ATP2B2: variants seen among roughly 807,000 people sequenced by gnomAD.
ATP2B2 encodes ATPase plasma membrane Ca2+ transporting 2, also known as plasma membrane calcium-transporting ATPase 2.
In ATP2B2, 15 loss-of-function variants were observed where a neutral mutation model predicts 120.0. That is an observed-to-expected ratio of 0.12 (90% CI 0.08 to 0.19). The LOEUF (loss-of-function observed/expected upper bound fraction) is 0.19. ATP2B2 is among the 10% of genes least tolerant of loss of function. The pLI is 1.00. For missense variants in ATP2B2, 1,045 were observed against 1,719.8 expected (o/e 0.61, Z 6.94); for synonymous variants, 694 against 700.3 (o/e 0.99, Z 0.14).
At position 10,329,199 on chromosome 3, in the gene ATP2B2, C is replaced by T. The variant is rs1309724218; in HGVS notation, c.3421-74G>A. The stretch of plus-strand genomic sequence containing the variant: ...AGGCTCGGGGGGCTCACAGGAGGGG[C>T]GGGTGGGAGAAGGGTTAGGGCAAAG... On this transcript the variant is annotated intron_variant, in intron 22 of 22. Transcript: ENST00000360273. This position sits in a 1 kb window ranked among gnomAD's most constrained non-coding sequence, Gnocchi z 5.9. The T allele has an allele frequency of 5.8e-5, 25 of 431,028 alleles. No homozygotes were observed. The highest frequency in any genetic ancestry group is 1.6e-4 in the Admixed American group (6 of 36,536). The allele number at this position is 431,028 out of a possible 1,614,324, so 26.7% of individuals were successfully genotyped here.
chr3:10,592,868 G>A (rs762285709), intron 2 of ATP2B2, among the ~76,000 whole-genome samples: 5 of 152,088 alleles, frequency 3.3e-5, no homozygotes, highest in African/African-American at 7.2e-5. Flanking sequence ...CTGCAGCCTC[G>A]ACCTCCTGGG....
At chr3:10,480,615 C>A (rs2065373918) in intron 1 of ATP2B2, among the ~76,000 whole-genome samples, 1 of 152,228 alleles carries the variant, frequency 6.6e-6, no homozygotes, top group Non-Finnish European at 1.5e-5. Context: ...CCCTGTCAAG[C>A]TTTTGTCAGC....
At chr3:10,640,012 C>A (rs1304770160) in intron 1 of ATP2B2, among the ~76,000 whole-genome samples, 1 of 152,086 alleles carries the variant, frequency 6.6e-6, no homozygotes, top group Non-Finnish European at 1.5e-5. Context: ...GGTGTTTTTG[C>A]ACTGAAAGTC....
chr3:10,344,960 G>A (rs573220920), intron 18 of ATP2B2, among the ~76,000 whole-genome samples: 1 of 152,284 alleles, frequency 6.6e-6, no homozygotes, highest in African/African-American at 2.4e-5. Flanking sequence ...CCAGAGCCAG[G>A]GCCCCAGGGC....
At chr3:10,425,258 C>T (rs998862717) in intron 2 of ATP2B2, among the ~76,000 whole-genome samples, 3 of 151,772 alleles carry the variant, frequency 2.0e-5, no homozygotes, top group South Asian at 2.1e-4. Flanking sequence ...TGCAGTGAGT[C>T]GAGATCGTGC....
chr3:10,635,090 T>C lies in ATP2B2; in HGVS notation c.-459-15129A>G, dbSNP rs1389947348. ...AATGTCCCTGGGAATTGGAATGGTA[T>C]CACTGGCCTCTCTGTGGGAGACAAT... On this transcript the variant is annotated intron_variant, in intron 1 of 21. Coordinates refer to the ATP2B2 transcript ENST00000646379. The surrounding 1 kb of genome is among the most constrained non-coding windows in gnomAD (Gnocchi z 4.3). Among the ~76,000 whole-genome samples the C allele has an allele frequency of 1.3e-5, 2 of 151,780 alleles. No homozygotes were observed. Among genetic ancestry groups the C allele is most frequent in the Non-Finnish European group, 2.9e-5 (2 of 67,928 alleles).
chr3:10,560,222 C>T (rs760338715), intron 2 of ATP2B2, among the ~76,000 whole-genome samples: 2 of 152,172 alleles, frequency 1.3e-5, no homozygotes, highest in Non-Finnish European at 2.9e-5. Flanking sequence ...AATGGCGTGT[C>T]GCAGGCAGGC....
chr3:10,348,143 T>C (rs1269785061), intron 16 of ATP2B2, among the ~76,000 whole-genome samples: 2 of 152,088 alleles, frequency 1.3e-5, no homozygotes, highest in African/African-American at 4.8e-5. Flanking sequence ...CCCTCCTCGC[T>C]CGATGTCCAA....
intron 1 of ATP2B2, among the ~76,000 whole-genome samples, chr3:10,629,141 A>G (rs1366052889): frequency 6.6e-6 from 1 of 152,126 alleles, no homozygotes; most frequent in African/African-American, 2.4e-5. Flanking sequence ...CAGCAAAACC[A>G]CCAACAGAAA....
chr3:10,443,758 G>A (rs978033152), intron 2 of ATP2B2, among the ~76,000 whole-genome samples: 2 of 152,170 alleles, frequency 1.3e-5, no homozygotes, highest in African/African-American at 4.8e-5. Flanking sequence ...GTTCGAGATG[G>A]GTTTCTGTCA....
chr3:10,477,293 C>T (rs747647977), intron 1 of ATP2B2, among the ~76,000 whole-genome samples: 5 of 152,212 alleles, frequency 3.3e-5, no homozygotes, highest in Non-Finnish European at 5.9e-5. Context: ...TGCTCTTCTG[C>T]GTTCGCTCTG....
At chr3:10,575,939 A>G (rs1256584106) in intron 2 of ATP2B2, among the ~76,000 whole-genome samples, 3 of 152,222 alleles carry the variant, frequency 2.0e-5, no homozygotes, top group Non-Finnish European at 4.4e-5. Flanking sequence ...GCAAGATAGG[A>G]AACCTTAAAA....
At chr3:10,655,250 C>T (rs890291346) in intron 1 of ATP2B2, among the ~76,000 whole-genome samples, 1 of 141,578 alleles carries the variant, frequency 7.1e-6, no homozygotes, top group Admixed American at 7.0e-5. Flanking sequence ...TTCTCAACCC[C>T]CTCCACTCTC....
At chr3:10,584,161 G>T (rs531561170) in intron 2 of ATP2B2, among the ~76,000 whole-genome samples, 1 of 152,208 alleles carries the variant, frequency 6.6e-6, no homozygotes, top group East Asian at 1.9e-4. Flanking sequence ...GGTGGAGATG[G>T]GGTGGGAGGG....
rs756747721 is a variant in ATP2B2, at chr3:10,378,352, G to A, written c.1101C>T (p.Gly367=). The A allele has an allele frequency of 6.8e-6, 11 of 1,606,766 alleles. No individual in the cohort carries two copies. Among genetic ancestry groups the A allele is most frequent in the Admixed American group, 1.7e-5 (1 of 60,032 alleles). ...MEMQPLKSAE[G]GDADDRKKAS... is the part of the protein sequence containing the mutation. ...CCTTCTTCCTGTCGTCAGCGTCGCC[G>A]CCCTCGGCACTCTTGAGGGGCTGCA... Residue 367 remains glycine, a synonymous_variant, in exon 10 of 23, where the codon GGC becomes GGT. Coordinates refer to ENST00000360273, the MANE Select transcript of ATP2B2 (RefSeq NM_001001331.4).
intron 12 of ATP2B2, among the ~76,000 whole-genome samples, chr3:10,365,224 G>A (rs2061009349): frequency 6.6e-6 from 1 of 152,242 alleles, no homozygotes; most frequent in Non-Finnish European, 1.5e-5. Flanking sequence ...AGAGTCACCA[G>A]GGCAGGGCAG....
chr3:10,636,953 AAAT>A (rs2070038285), intron 1 of ATP2B2, among the ~76,000 whole-genome samples: 1 of 152,198 alleles, frequency 6.6e-6, no homozygotes, highest in African/African-American at 2.4e-5. Context: ...GAACCACTGG[AAAT>A]AATTAGTGGG....
intron 1 of ATP2B2, among the ~76,000 whole-genome samples, chr3:10,705,294 T>G (rs1217428799): frequency 6.6e-6 from 1 of 152,220 alleles, no homozygotes; most frequent in Non-Finnish European, 1.5e-5. Flanking sequence ...CTAACTCTTG[T>G]CCTGTTGCCA....
intron 1 of ATP2B2, among the ~76,000 whole-genome samples, chr3:10,701,848 T>C (rs1181120912): frequency 6.6e-6 from 1 of 152,150 alleles, no homozygotes; most frequent in African/African-American, 2.4e-5. Flanking sequence ...CACACACATC[T>C]ACTATGTGCC....
Sources: allele counts gnomAD v4.1 joint callset (sites outside exome capture counted in the v4.1 genomes callset), GRCh38; gene constraint gnomAD v4.1.1; non-coding constraint Gnocchi (gnomAD v3.1); transcripts MANE v1.5; gene names NCBI Gene and HGNC (gene_info 2026-07-23, HGNC 2026-07-21).